The following OLFM1 variants were observed in gnomAD, a reference collection of about 807,000 sequenced individuals.
OLFM1 encodes olfactomedin 1.
OLFM1 carries 9 observed loss-of-function variants against 49.7 expected under a neutral mutation model. The observed-to-expected ratio is 0.18, with a 90% CI of 0.11 to 0.32. OLFM1 has a LOEUF of 0.32. Among genes scored for constraint, OLFM1 ranks in the 10% least tolerant of loss-of-function variants. The pLI, the probability that OLFM1 is intolerant of heterozygous loss-of-function variation, is 1.00. For synonymous variants in OLFM1, 240 were observed against 271.8 expected (o/e 0.88, Z 1.15); for missense variants, 369 against 661.8 (o/e 0.56, Z 4.85).
Position 135,087,853 on chromosome 9 carries a change from C to A in OLFM1, c.-137C>A, listed in dbSNP as rs1588205261. 1 of 949,148 alleles carries A rather than the reference C, an allele frequency of 1.1e-6. No homozygotes were observed. Among genetic ancestry groups the A allele is most frequent in the Non-Finnish European group, 1.2e-6 (1 of 800,264 alleles). 58.8% of individuals were successfully genotyped at this position (949,148 alleles called of 1,614,324 possible). A position where few individuals can be genotyped will look rare whatever the true frequency, so the allele number is the denominator to read the frequency against. On this transcript the variant is annotated 5_prime_UTR_variant, in exon 1 of 6. Transcript: ENST00000371793. ...CGCGCGGGGCGGCGGCGGCGGCGGG[C>A]GGGCGGCGGCGGGCCGAGGGGGCGC...
intron 1 of OLFM1, chr9:135,076,865 G>A (rs1279080621): frequency 6.4e-7 from 1 of 1,550,554 alleles, no homozygotes; most frequent in East Asian, 2.4e-5. Context: ...GCGAGAGGAA[G>A]ACCACAGGAG....
At chr9:135,115,028 G>A (rs1307701601) in intron 5 of OLFM1, among the ~76,000 whole-genome samples, 1 of 152,190 alleles carries the variant, frequency 6.6e-6, no homozygotes, top group African/African-American at 2.4e-5. Context: ...GCTTCTCCCT[G>A]CAAATGCGTC....
chr9:135,118,077 A>G (rs1831119202), intron 5 of OLFM1, among the ~76,000 whole-genome samples: 1 of 152,168 alleles, frequency 6.6e-6, no homozygotes, highest in Non-Finnish European at 1.5e-5. Flanking sequence ...TTTGGTCGTG[A>G]CTACTGTTTC....
At chr9:135,085,806 C>T (rs142287760), upstream of OLFM1, among the ~76,000 whole-genome samples, 2 of 152,230 alleles carry the variant, frequency 1.3e-5, no homozygotes, top group Non-Finnish European at 2.9e-5. Flanking sequence ...CCTTATCTGA[C>T]GACCCTTTCA....
intron 5 of OLFM1, among the ~76,000 whole-genome samples, chr9:135,111,467 C>T (rs520371): frequency 0.18 from 26,644 of 151,968 alleles, 2,792 homozygotes; most frequent in East Asian, 0.36. Flanking sequence ...CTCCACGACC[C>T]CCAGGAGGCC....
At position 135,087,756 on chromosome 9, in the gene OLFM1, G is replaced by A; in HGVS notation, c.-234G>A. ...GGGCGCAGGGCGGGCGGCGCGAGGC[G>A]CAGGGCGCGGCGGGCAGAGGCCACC... On this transcript the variant is annotated 5_prime_UTR_variant, in exon 1 of 6. Coordinates refer to ENST00000371793, the MANE Select transcript of OLFM1 (RefSeq NM_001282611.2). 2 of 453,090 alleles carry A rather than the reference G, an allele frequency of 4.4e-6. No homozygotes were observed. Among genetic ancestry groups the A allele is most frequent in the South Asian group, 8.7e-5 (1 of 11,518 alleles). The allele number at this position is 453,090 out of a possible 1,614,324, so 28.1% of individuals were successfully genotyped here.
chr9:135,085,872 G>GCAGGTGCAGGTTGGAGCCGCT (rs892227291), upstream of OLFM1, among the ~76,000 whole-genome samples: 7 of 152,324 alleles, frequency 4.6e-5, no homozygotes, highest in African/African-American at 1.7e-4. Context: ...ACAGTTTGGA[G>GCAGGTGCAGGTTGGAGCCGCT]CAGGTGCAGG....
chr9:135,094,728 TG>T (rs1375300453), intron 2 of OLFM1, among the ~76,000 whole-genome samples: 1 of 152,226 alleles, frequency 6.6e-6, no homozygotes, highest in African/African-American at 2.4e-5. Context: ...TTTGCTCTCT[TG>T]TATTTTACTT....
chr9:135,096,407 C>T (rs1170472760), intron 3 of OLFM1, among the ~76,000 whole-genome samples: 1 of 151,792 alleles, frequency 6.6e-6, no homozygotes, highest in Non-Finnish European at 1.5e-5. Context: ...CCTTTCCCTA[C>T]AGAAATGGTC....
At chr9:135,087,191 C>G, upstream of OLFM1, 2 of 1,389,030 alleles carry the variant, frequency 1.4e-6, no homozygotes, top group Non-Finnish European at 1.9e-6. Flanking sequence ...CCTCGCGAGT[C>G]TGGCTGCTTT....
intron 5 of OLFM1, 129 bp downstream of exon 5, chr9:135,106,984 G>A: frequency 2.8e-6 from 2 of 707,908 alleles, no homozygotes; most frequent in Admixed American, 2.8e-5. Context: ...TTGGTGCCTG[G>A]GGGCGTTTGT....
intron 2 of OLFM1, among the ~76,000 whole-genome samples, chr9:135,093,765 G>C (rs1433307273): frequency 6.6e-6 from 1 of 152,192 alleles, no homozygotes; most frequent in East Asian, 1.9e-4. Context: ...CCTTCCCTAG[G>C]GTTGGGAGAT....
chr9:135,079,361 C>G lies in OLFM1; in HGVS notation c.96+3559C>G, dbSNP rs193016373. ...CAGAGGCTGGGTACGGTGGCTCATA[C>G]CTTTAAGGCCAGCACTTTGATCACT... On this transcript the variant is annotated intron_variant, in intron 1 of 5. Coordinates refer to the OLFM1 transcript ENST00000252854. 1.5e-3 allele frequency among the ~76,000 whole-genome samples: 222 copies of G among 152,190 alleles called. 1 individual carries two copies. Among genetic ancestry groups the G allele is most frequent in the Middle Eastern group, 3.4e-3 (1 of 294 alleles).
chr9:135,087,216 G>A, upstream of OLFM1: 2 of 1,400,858 alleles, frequency 1.4e-6, no homozygotes, highest in Admixed American at 3.0e-5. Flanking sequence ...AGCCTGCCCT[G>A]CCTGCTGGGT....
intron 2 of OLFM1, among the ~76,000 whole-genome samples, chr9:135,091,883 ACACT>A (rs879447612): frequency 0.025 from 2,597 of 101,898 alleles, 46 homozygotes; most frequent in South Asian, 0.044. Context: ...AGTCACACAC[ACACT>A]CACACATAGT....
chr9:135,076,759 C>G, intron 1 of OLFM1: 2 of 1,480,542 alleles, frequency 1.4e-6, no homozygotes, highest in Admixed American at 2.3e-5. Context: ...TGGCCCCAAG[C>G]CCCAGCTGCC....
chr9:135,095,717 GC>G, intron 2 of OLFM1, 146 bp from the exon 3 acceptor site: 1 of 791,970 alleles, frequency 1.3e-6, no homozygotes, highest in Admixed American at 2.4e-5. Context: ...CGCGATGCTG[GC>G]GATTACCTTG....
upstream of OLFM1, chr9:135,086,810 C>G: frequency 2.3e-6 from 1 of 436,922 alleles, no homozygotes; most frequent in South Asian, 1.6e-5. Context: ...CGCCATGACT[C>G]GAGCGCCACC....
chr9:135,112,823 T>C (rs533785962), intron 5 of OLFM1, among the ~76,000 whole-genome samples: 23 of 152,108 alleles, frequency 1.5e-4, no homozygotes, highest in South Asian at 1.0e-3. Flanking sequence ...CCAAGTGAGA[T>C]TGGGACAAGG....
Sources: allele counts gnomAD v4.1 joint callset (sites outside exome capture counted in the v4.1 genomes callset), GRCh38; gene constraint gnomAD v4.1.1; transcripts MANE v1.5; gene names NCBI Gene and HGNC (gene_info 2026-07-23, HGNC 2026-07-21).